Variants in KCNJ5 observed in about 807,000 individuals in gnomAD.
The protein encoded by KCNJ5 is potassium inwardly rectifying channel subfamily J member 5, also known as G protein-activated inward rectifier potassium channel 4.
Under a neutral mutation model 20.2 loss-of-function variants are expected in KCNJ5, and 12 were observed. That is an observed-to-expected ratio of 0.59 (90% CI 0.38 to 0.96). The LOEUF is 0.96. Among genes scored for constraint, KCNJ5 ranks in the 40% least tolerant of loss-of-function variants. KCNJ5 has a pLI of 0.00. For synonymous variants in KCNJ5, 210 were observed against 213.9 expected (o/e 0.98, Z 0.16); for missense variants, 449 against 557.6 (o/e 0.81, Z 1.96).
At chr11:128,898,345 T>A (rs1250856082) in intron 1 of KCNJ5, among the ~76,000 whole-genome samples, 2 of 152,254 alleles carry the variant, frequency 1.3e-5, no homozygotes, top group Admixed American at 6.5e-5. Flanking sequence ...ATTTTGTAAT[T>A]GTCAGCAGTT....
At chr11:128,903,254 T>C in intron 1 of KCNJ5, 1 of 1,237,818 alleles carries the variant, frequency 8.1e-7, no homozygotes, top group South Asian at 1.5e-5. Context: ...AAAATGAAGC[T>C]CTAAGACATC....
intron 2 of KCNJ5, among the ~76,000 whole-genome samples, chr11:128,916,104 G>A (rs1280652798): frequency 0.013 from 627 of 46,904 alleles, 11 homozygotes; most frequent in East Asian, 0.096. Context: ...ATAGATAATT[G>A]GATGGATGGA....
In KCNJ5 at chr11:128,920,055, T is replaced by C. The variant is rs2136007217; in HGVS notation, c.*3324T>C. 6.6e-6 allele frequency: 1 copy of C among 152,366 alleles called. No individual in the cohort carries two copies. The highest frequency in any genetic ancestry group is 3.4e-3 in the Middle Eastern group (1 of 294). The allele number at this position is 152,366 out of a possible 1,614,324, so 9.4% of individuals were successfully genotyped here. ...CTGAAAGTTTGGAGAGCTGGTTTCTTGCCTTAATTTAAGCTCTCTGAGAAT... is the reference window on the plus strand; with the variant it reads ...CTGAAAGTTTGGAGAGCTGGTTTCTCGCCTTAATTTAAGCTCTCTGAGAAT... On this transcript the variant is annotated 3_prime_UTR_variant, in exon 3 of 3. Coordinates refer to ENST00000529694, the MANE Select transcript of KCNJ5 (RefSeq NM_000890.5).
At position 128,911,058 on chromosome 11, in the gene KCNJ5, T is replaced by C. The variant is rs920213099; in HGVS notation, c.-10-206T>C. The C allele has an allele frequency of 1.2e-5, 7 of 587,108 alleles. No homozygotes were observed. Among genetic ancestry groups the C allele is most frequent in the Middle Eastern group, 4.6e-4 (1 of 2,194 alleles). The allele number at this position is 587,108 out of a possible 1,614,324, so 36.4% of individuals were successfully genotyped here. ...TCAACAAACAGCTAGCAAGCATCTA[T>C]TTTGTGCTAGACTCTGTACTAGGCA... On this transcript the variant is annotated intron_variant, in intron 1 of 2. Transcript: ENST00000529694. This position sits in a 1 kb window ranked among gnomAD's most constrained non-coding sequence, Gnocchi z 6.3.
intron 1 of KCNJ5, among the ~76,000 whole-genome samples, chr11:128,896,056 T>C (rs990119000): frequency 6.6e-6 from 1 of 152,214 alleles, no homozygotes; most frequent in Non-Finnish European, 1.5e-5. Flanking sequence ...TCACATTTTA[T>C]TTCCTTTCTC....
intron 1 of KCNJ5, among the ~76,000 whole-genome samples, chr11:128,893,338 T>G (rs969943727): frequency 6.6e-6 from 1 of 151,458 alleles, no homozygotes. Flanking sequence ...AAACAACACA[T>G]AGAGAAATTG....
At chr11:128,904,537 G>T in intron 1 of KCNJ5, 1 of 1,372,634 alleles carries the variant, frequency 7.3e-7, no homozygotes, top group Non-Finnish European at 1.0e-6. Flanking sequence ...TGCTACTCAG[G>T]TGTGCACTGA....
intron 1 of KCNJ5, among the ~76,000 whole-genome samples, chr11:128,897,765 C>T (rs1944200514): frequency 6.6e-6 from 1 of 152,144 alleles, no homozygotes; most frequent in Non-Finnish European, 1.5e-5. Context: ...ATGTTTTTCT[C>T]TAGAAAGTTT....
Position 128,916,770 on chromosome 11 carries a change from A to C in KCNJ5, c.*39A>C. On this transcript the variant is annotated 3_prime_UTR_variant, in exon 3 of 3. Coordinates refer to ENST00000529694, the MANE Select transcript of KCNJ5 (RefSeq NM_000890.5). ...CCTAAGACCTCCTGTCACTGGCTTCAGTGAACACAGACACTGCAGAGCCTG... is the reference window on the plus strand; with the variant it reads ...CCTAAGACCTCCTGTCACTGGCTTCCGTGAACACAGACACTGCAGAGCCTG... The C allele has an allele frequency of 6.8e-7, 1 of 1,460,812 alleles. No individual in the cohort carries two copies. Among genetic ancestry groups the C allele is most frequent in the Non-Finnish European group, 9.4e-7 (1 of 1,066,552 alleles). 90.5% of individuals were successfully genotyped at this position (1,460,812 alleles called of 1,614,324 possible). A position where few individuals can be genotyped will look rare whatever the true frequency, so the allele number is the denominator to read the frequency against.
In KCNJ5 at chr11:128,920,401, G is replaced by A. The variant is rs1429625268; in HGVS notation, c.*3670G>A. On this transcript the variant is annotated 3_prime_UTR_variant, in exon 3 of 3. Coordinates refer to ENST00000529694, the MANE Select transcript of KCNJ5 (RefSeq NM_000890.5). ...CTGTCCCTGCTCGTGATCTGTAACAGTGGGGCGCTTTTTCACACCCCTTAT... is the reference window on the plus strand; with the variant it reads ...CTGTCCCTGCTCGTGATCTGTAACAATGGGGCGCTTTTTCACACCCCTTAT... 1 of 152,254 alleles carries A rather than the reference G, an allele frequency of 6.6e-6. No homozygotes were observed. The highest frequency in any genetic ancestry group is 1.5e-5 in the Non-Finnish European group (1 of 68,114). 9.4% of individuals were successfully genotyped at this position (152,254 alleles called of 1,614,324 possible). A position where few individuals can be genotyped will look rare whatever the true frequency, so the allele number is the denominator to read the frequency against.
At chr11:128,894,489 T>A (rs7939655) in intron 1 of KCNJ5, among the ~76,000 whole-genome samples, 26,168 of 152,158 alleles carry the variant, frequency 0.17, 2,316 homozygotes, top group Middle Eastern at 0.22. Context: ...TGGCAGTGTT[T>A]CCAAGTGCGG....
Position 128,916,646 on chromosome 11 carries a change from C to T in KCNJ5, c.1175C>T (p.Ala392Val), listed in dbSNP as rs1565554790. The T allele has an allele frequency of 3.7e-6, 6 of 1,613,544 alleles. No individual in the cohort carries two copies. The Middle Eastern group carries it at 5.0e-4, about 133-fold the overall frequency. Residue 392 changes from alanine to valine, a missense_variant, in exon 3 of 3, where the codon GCA (alanine) becomes GTA (valine). By Grantham distance (64) the Ala-to-Val change is moderately conservative (BLOSUM62 0). This residue lies in a region of KCNJ5 where 64 missense variants were observed against 51.3 expected (regional missense o/e 1.25). Coordinates refer to ENST00000529694, the MANE Select transcript of KCNJ5 (RefSeq NM_000890.5). ...CCACTGCTGGGGGGCTGTGCTGAGG[C>T]AGGGCTGGATGCAGAGGCTGAGCAG... ...SPPLLGGCAE[A>V]GLDAEAEQNE...
intron 2 of KCNJ5, among the ~76,000 whole-genome samples, chr11:128,915,228 A>G (rs1940455): frequency 0.76 from 115,794 of 152,154 alleles, 44,478 homozygotes; most frequent in African/African-American, 0.85. Flanking sequence ...ATCCATAAAC[A>G]AAGCTGCCCT....
At chr11:128,893,865 G>A (rs1420346259) in intron 1 of KCNJ5, among the ~76,000 whole-genome samples, 1 of 152,190 alleles carries the variant, frequency 6.6e-6, no homozygotes, top group African/African-American at 2.4e-5. Flanking sequence ...TTTGTCTGTG[G>A]GTCCAGCAGA....
Position 128,917,002 on chromosome 11 carries a change from A to G in KCNJ5, c.*271A>G, listed in dbSNP as rs1846574853. The stretch of plus-strand genomic sequence containing the variant: ...GCCAGGATGAGTTTCCCCATGGTGA[A>G]TGTTACCGGATGGCATCTGTTCTCT... On this transcript the variant is annotated 3_prime_UTR_variant, in exon 3 of 3. Transcript: ENST00000529694. 1 of 412,164 alleles carries G rather than the reference A, an allele frequency of 2.4e-6. No homozygotes were observed. Among genetic ancestry groups the G allele is most frequent in the Non-Finnish European group, 4.4e-6 (1 of 229,188 alleles). 25.5% of individuals were successfully genotyped at this position (412,164 alleles called of 1,614,324 possible). A position where few individuals can be genotyped will look rare whatever the true frequency, so the allele number is the denominator to read the frequency against.
At chr11:128,900,536 C>A (rs192702506) in intron 1 of KCNJ5, 1 of 152,232 alleles carries the variant, frequency 6.6e-6, no homozygotes, top group South Asian at 2.1e-4. Flanking sequence ...CTGGGCTACC[C>A]GAGGCTCTGC....
In KCNJ5 at chr11:128,916,810, G is replaced by A. The variant is rs540948816; in HGVS notation, c.*79G>A. 2.7e-6 allele frequency: 3 copies of A among 1,129,218 alleles called. No individual in the cohort carries two copies. The highest frequency in any genetic ancestry group is 3.1e-5 in the South Asian group (2 of 64,640). 69.9% of individuals were successfully genotyped at this position (1,129,218 alleles called of 1,614,324 possible). On this transcript the variant is annotated 3_prime_UTR_variant, in exon 3 of 3. Transcript: ENST00000529694. ...TGCAGAGCCTGGGAGCAGGGGAGGG[G>A]AATAGTTGAGTGTGCTGTTTGGGGG...
chr11:128,902,507 G>A (rs367865780), intron 1 of KCNJ5: 16 of 1,557,642 alleles, frequency 1.0e-5, no homozygotes, highest in African/African-American at 1.4e-5. Flanking sequence ...GCAGCCGTCT[G>A]CATGGGGGAG....
chr11:128,904,665 G>A, intron 1 of KCNJ5: 1 of 655,286 alleles, frequency 1.5e-6, no homozygotes, highest in South Asian at 1.7e-5. Context: ...GAAAGCACAG[G>A]AACGAATGCC....
Sources: allele counts gnomAD v4.1 joint callset (sites outside exome capture counted in the v4.1 genomes callset), GRCh38; gene constraint gnomAD v4.1.1; regional missense constraint gnomAD v4.1.1; non-coding constraint Gnocchi (gnomAD v3.1); transcripts MANE v1.5; gene names NCBI Gene and HGNC (gene_info 2026-07-23, HGNC 2026-07-21).